Variants in DISC1 observed in about 807,000 individuals in gnomAD.
The protein encoded by DISC1 is DISC1 scaffold protein.
DISC1 carries 57 observed loss-of-function variants against 84.5 expected under a neutral mutation model. That is an observed-to-expected ratio of 0.67 (90% CI 0.55 to 0.84). DISC1 has a LOEUF of 0.84. Among genes scored for constraint, DISC1 ranks in the 40% least tolerant of loss-of-function variants. DISC1 has a pLI of 0.00. For synonymous variants in DISC1, 411 were observed against 415.2 expected (o/e 0.99, Z 0.12); for missense variants, 1,000 against 1,057.8 (o/e 0.95, Z 0.76).
At chr1:231,922,386 T>C (rs1034781600) in intron 9 of DISC1, among the ~76,000 whole-genome samples, 1 of 152,178 alleles carries the variant, frequency 6.6e-6, no homozygotes, top group African/African-American at 2.4e-5. Flanking sequence ...TTTACTTGTA[T>C]TGTTGCATTT....
intron 9 of DISC1, among the ~76,000 whole-genome samples, chr1:231,868,692 T>TTATATATATATATATATATATATA (rs58636016): frequency 1.3e-4 from 14 of 108,840 alleles, no homozygotes; most frequent in East Asian, 2.8e-4. Flanking sequence ...ACCCCATCTC[T>TTATATATATATATATATATATATA]TATATATATA....
intron 4 of DISC1, among the ~76,000 whole-genome samples, chr1:231,762,233 CTTT>C (rs1189111272): frequency 6.0e-5 from 2 of 33,604 alleles, no homozygotes; most frequent in South Asian, 1.0e-3. Flanking sequence ...CTTTTCTTTT[CTTT>C]TCTTTTCTTT....
chr1:231,842,978 G>A (rs753450282), intron 9 of DISC1, among the ~76,000 whole-genome samples: 8 of 152,040 alleles, frequency 5.3e-5, no homozygotes, highest in Non-Finnish European at 1.0e-4. Context: ...ACTACGTGCC[G>A]GGCTGTGTCT....
At chr1:231,885,621 GT>G (rs2125991214) in intron 9 of DISC1, among the ~76,000 whole-genome samples, 1 of 152,326 alleles carries the variant, frequency 6.6e-6, no homozygotes, top group South Asian at 2.1e-4. Flanking sequence ...TATGTGGGTA[GT>G]CTGGGATTAT....
intron 10 of DISC1, among the ~76,000 whole-genome samples, chr1:231,984,830 A>G (rs888563133): frequency 6.6e-6 from 1 of 152,190 alleles, no homozygotes; most frequent in African/African-American, 2.4e-5. Flanking sequence ...AGGGAGATGT[A>G]GATTAGGGGC....
chr1:231,721,369 A>T (rs975003399), intron 3 of DISC1, among the ~76,000 whole-genome samples: 26 of 152,246 alleles, frequency 1.7e-4, no homozygotes, highest in Non-Finnish European at 8.8e-5. Flanking sequence ...CTGGAAAGTT[A>T]GAATTCTAAT....
intron 1 of DISC1, among the ~76,000 whole-genome samples, chr1:231,684,031 T>C (rs2063965736): frequency 6.6e-6 from 1 of 152,146 alleles, no homozygotes; most frequent in Admixed American, 6.5e-5. Context: ...CCTCCTGCAG[T>C]GGAGTTGCTC....
intron 10 of DISC1, among the ~76,000 whole-genome samples, chr1:231,997,584 G>C (rs180962539): frequency 1.6e-4 from 24 of 152,202 alleles, no homozygotes; most frequent in Admixed American, 1.5e-3. Flanking sequence ...TGGCAGTGAG[G>C]CTCGGGGTTT....
chr1:231,797,147 G>C (rs997503045), intron 7 of DISC1, among the ~76,000 whole-genome samples: 6 of 152,156 alleles, frequency 3.9e-5, no homozygotes, highest in African/African-American at 1.4e-4. Context: ...GAATGCATCT[G>C]TACACCAACG....
intron 1 of DISC1, among the ~76,000 whole-genome samples, chr1:231,690,221 C>T (rs748633559): frequency 3.9e-5 from 6 of 152,150 alleles, no homozygotes; most frequent in Non-Finnish European, 5.9e-5. Context: ...ATTACCAGGG[C>T]AAGCAGGTCT....
Position 232,003,336 on chromosome 1 carries a change from T to A in DISC1, c.2043-5449T>A, listed in dbSNP as rs1405326247. 5.3e-5 allele frequency among the ~76,000 whole-genome samples: 8 copies of A among 152,290 alleles called. No individual in the cohort carries two copies. In the East Asian group the frequency reaches 1.4e-3, roughly 26 times the overall value. On this transcript the variant is annotated intron_variant, in intron 10 of 12. Coordinates refer to ENST00000439617, the MANE Select transcript of DISC1 (RefSeq NM_018662.3). ...AAGAGTGTTGGAATAACAATTTTAG[T>A]ATCAGACAATTTAGGCTTTAAGGCT... is the stretch of plus-strand genomic sequence containing the variant.
intron 9 of DISC1, among the ~76,000 whole-genome samples, chr1:231,862,850 T>C (rs1156342542): frequency 2.0e-5 from 3 of 152,210 alleles, no homozygotes; most frequent in Non-Finnish European, 4.4e-5. Context: ...ATTTCGTGTG[T>C]CAGGCACAGT....
chr1:231,697,972 T>C (rs11585959), intron 2 of DISC1, among the ~76,000 whole-genome samples: 41,986 of 152,056 alleles, frequency 0.28, 6,059 homozygotes, highest in Non-Finnish European at 0.32. Context: ...AGTGCTAATG[T>C]CATCTAGTGC....
intron 9 of DISC1, among the ~76,000 whole-genome samples, chr1:231,827,015 G>A (rs549361438): frequency 6.6e-6 from 1 of 151,966 alleles, no homozygotes; most frequent in African/African-American, 2.4e-5. Context: ...TTGAGACAGA[G>A]TCTCAGTCTA....
rs189332538 is a variant in DISC1, at chr1:231,842,397, C to G, written c.1981+23880C>G. Among the ~76,000 whole-genome samples the G allele has an allele frequency of 2.5e-3, 384 of 152,238 alleles. 1 individual carries two copies. Among genetic ancestry groups the G allele is most frequent in the African/African-American group, 8.9e-3 (368 of 41,544 alleles). ...AGTAAAGGTTTGCTGAGTTAGAACT[C>G]CATTTCAATGGATATTGAACTTGAG... On this transcript the variant is annotated intron_variant, in intron 9 of 12. Transcript: ENST00000439617.
intron 9 of DISC1, among the ~76,000 whole-genome samples, chr1:231,830,764 A>T (rs1205628684): frequency 1.3e-5 from 2 of 152,340 alleles, no homozygotes; most frequent in African/African-American, 4.8e-5. Context: ...TAGCATTCCG[A>T]GGACAGGCCT....
At chr1:231,793,443 G>A (rs2078505257) in intron 6 of DISC1, among the ~76,000 whole-genome samples, 1 of 152,198 alleles carries the variant, frequency 6.6e-6, no homozygotes, top group Non-Finnish European at 1.5e-5. Flanking sequence ...TGAAGAATGA[G>A]TGAGTTCATG....
At chr1:231,977,940 A>G (rs529580275) in intron 10 of DISC1, among the ~76,000 whole-genome samples, 1 of 152,310 alleles carries the variant, frequency 6.6e-6, no homozygotes, top group Non-Finnish European at 1.5e-5. Flanking sequence ...AAATTGAGAA[A>G]TGTTTCTTAG....
At chr1:231,804,860 A>G (rs948117600) in intron 8 of DISC1, among the ~76,000 whole-genome samples, 2 of 152,176 alleles carry the variant, frequency 1.3e-5, no homozygotes, top group African/African-American at 4.8e-5. Flanking sequence ...ACCATGTTTT[A>G]GCGGAGTAGT....
Sources: allele counts gnomAD v4.1 joint callset (sites outside exome capture counted in the v4.1 genomes callset), GRCh38; gene constraint gnomAD v4.1.1; transcripts MANE v1.5; gene names NCBI Gene and HGNC (gene_info 2026-07-23, HGNC 2026-07-21).